Variants in TCEA1 observed in about 807,000 individuals in gnomAD.
TCEA1 encodes the protein transcription elongation factor A protein 1.
TCEA1 carries 21 observed loss-of-function variants against 43.8 expected under a neutral mutation model. The ratio of observed to expected loss-of-function variants is 0.48; its 90% CI spans 0.34 to 0.69. TCEA1 has a LOEUF of 0.69. TCEA1 is among the 30% of genes least tolerant of loss of function. TCEA1 has a pLI of 0.01. For missense variants in TCEA1, 250 were observed against 365.1 expected (o/e 0.68, Z 2.57); for synonymous variants, 104 against 117.5 (o/e 0.88, Z 0.75).
intron 8 of TCEA1, among the ~76,000 whole-genome samples, chr8:53,975,670 T>C (rs1478740038): frequency 6.6e-6 from 1 of 152,224 alleles, no homozygotes; most frequent in East Asian, 1.9e-4. Flanking sequence ...TCTACTTATA[T>C]GAAGTACTTG....
In TCEA1 at chr8:54,000,366, T is replaced by C. The variant is rs116375150; in HGVS notation, c.127-316A>G. On this transcript the variant is annotated intron_variant, in intron 2 of 9. Transcript: ENST00000521604. ...ATAAACGAGGATAAAATATATAATG[T>C]TGTATATAAGTCAGGCTGAAGCAAT... Among the ~76,000 whole-genome samples, 1,149 of 152,264 alleles carry C rather than the reference T, an allele frequency of 7.5e-3. 14 individuals carry two copies. The highest frequency in any genetic ancestry group is 0.026 in the African/African-American group (1,062 of 41,540).
At chr8:53,979,449 T>C (rs148066350) in intron 7 of TCEA1, among the ~76,000 whole-genome samples, 164 of 152,316 alleles carry the variant, frequency 1.1e-3, no homozygotes, top group East Asian at 5.0e-3. Context: ...GTGAGAGAAA[T>C]TGAACATGGC....
chr8:54,004,520 A>T (rs1804377005), intron 2 of TCEA1, among the ~76,000 whole-genome samples: 1 of 152,242 alleles, frequency 6.6e-6, no homozygotes, highest in African/African-American at 2.4e-5. Context: ...CAGAAGCCAG[A>T]CATCAAAGGT....
intron 8 of TCEA1, chr8:53,973,779 C>A: frequency 2.2e-6 from 1 of 445,196 alleles, no homozygotes; most frequent in Non-Finnish European, 4.3e-6. Flanking sequence ...CAATGTGCAT[C>A]CCTCAGATCC....
chr8:54,006,263 G>C (rs1346697695), intron 2 of TCEA1, among the ~76,000 whole-genome samples: 1 of 152,150 alleles, frequency 6.6e-6, no homozygotes, highest in Non-Finnish European at 1.5e-5. Flanking sequence ...AGTTCAATGA[G>C]GAGGGAAAGG....
At position 53,980,919 on chromosome 8, in the gene TCEA1, A is replaced by G. The variant is rs188060819; in HGVS notation, c.679-1748T>C. Among the ~76,000 whole-genome samples, 425 of 152,326 alleles carry G rather than the reference A, an allele frequency of 2.8e-3. 3 individuals are homozygous for G. The highest frequency in any genetic ancestry group is 9.8e-3 in the African/African-American group (406 of 41,572). ...AAAGGAAAATTTCTTGATGGAAATT[A>G]AAAGTGCTACTCCAGTGAACACATG... On this transcript the variant is annotated intron_variant, in intron 7 of 9. Transcript: ENST00000521604.
chr8:54,008,172 CA>C (rs777634895), intron 2 of TCEA1, among the ~76,000 whole-genome samples: 8,442 of 42,542 alleles, frequency 0.2, 119 homozygotes, highest in East Asian at 0.45. Context: ...AACTGTGTCT[CA>C]AAAAAAAAAA....
At chr8:53,989,535 C>T (rs1803805341) in intron 4 of TCEA1, among the ~76,000 whole-genome samples, 1 of 152,132 alleles carries the variant, frequency 6.6e-6, no homozygotes, top group Non-Finnish European at 1.5e-5. Flanking sequence ...TTAGTCAGTT[C>T]CTTTTTGAAG....
At chr8:53,972,422 T>C (rs144564209) in intron 8 of TCEA1, 439 of 542,952 alleles carry the variant, frequency 8.1e-4, no homozygotes, top group African/African-American at 7.7e-3. Context: ...ATATGGCAGA[T>C]TTGTTTCCAG....
intron 8 of TCEA1, among the ~76,000 whole-genome samples, chr8:53,970,938 T>A (rs1302331618): frequency 6.6e-6 from 1 of 152,230 alleles, no homozygotes; most frequent in Non-Finnish European, 1.5e-5. Context: ...TAGGCAGCAT[T>A]GTCTGTAACC....
At chr8:53,990,604 C>T (rs879652078) in intron 4 of TCEA1, among the ~76,000 whole-genome samples, 20 of 152,096 alleles carry the variant, frequency 1.3e-4, no homozygotes, top group Admixed American at 1.3e-3. Context: ...CTCAAGTGAT[C>T]CCCCTACCTT....
At chr8:54,004,069 A>G (rs1442342554) in intron 2 of TCEA1, among the ~76,000 whole-genome samples, 1 of 152,202 alleles carries the variant, frequency 6.6e-6, no homozygotes, top group African/African-American at 2.4e-5. Flanking sequence ...TGGAAATAAA[A>G]ATTAAAGCTA....
At chr8:53,991,789 G>A (rs910889162) in intron 4 of TCEA1, among the ~76,000 whole-genome samples, 5 of 151,422 alleles carry the variant, frequency 3.3e-5, no homozygotes, top group African/African-American at 7.3e-5. Context: ...CGGATATAAC[G>A]TTAGAAAAAA....
chr8:54,016,715 G>A (rs983101016), intron 1 of TCEA1, among the ~76,000 whole-genome samples: 4 of 151,736 alleles, frequency 2.6e-5, no homozygotes, highest in Non-Finnish European at 4.4e-5. Flanking sequence ...TGGCTCACGC[G>A]TGGAAATCCC....
At chr8:54,016,714 C>T (rs77658619) in intron 1 of TCEA1, among the ~76,000 whole-genome samples, 3 of 151,656 alleles carry the variant, frequency 2.0e-5, no homozygotes, top group East Asian at 1.9e-4. Context: ...GTGGCTCACG[C>T]GTGGAAATCC....
intron 3 of TCEA1, among the ~76,000 whole-genome samples, chr8:53,997,350 G>C (rs1349466532): frequency 6.6e-6 from 1 of 152,140 alleles, no homozygotes; most frequent in African/African-American, 2.4e-5. Context: ...GGAGGAAAAA[G>C]ATTTGTTAAG....
chr8:53,969,801 T>C (rs1373218239), intron 9 of TCEA1, among the ~76,000 whole-genome samples: 3 of 152,168 alleles, frequency 2.0e-5, no homozygotes, highest in African/African-American at 4.8e-5. Flanking sequence ...AGTACTGATA[T>C]GTATTTCTGC....
intron 7 of TCEA1, among the ~76,000 whole-genome samples, chr8:53,981,973 C>T (rs146862498): frequency 1.4e-5 from 2 of 147,938 alleles, no homozygotes; most frequent in Non-Finnish European, 3.0e-5. Flanking sequence ...CTATGTTGCC[C>T]GGGCTAGTCT....
chr8:53,979,825 C>A (rs1341716256), intron 7 of TCEA1, among the ~76,000 whole-genome samples: 2 of 152,138 alleles, frequency 1.3e-5, no homozygotes, highest in African/African-American at 4.8e-5. Flanking sequence ...GTTTTTCAGA[C>A]TGACCCCTCC....
Sources: allele counts gnomAD v4.1 joint callset (sites outside exome capture counted in the v4.1 genomes callset), GRCh38; gene constraint gnomAD v4.1.1; transcripts MANE v1.5; gene names NCBI Gene and HGNC (gene_info 2026-07-23, HGNC 2026-07-21).